The following SLAMF1 variants were observed in gnomAD, a reference collection of about 807,000 sequenced individuals.
The protein encoded by SLAMF1 is signaling lymphocytic activation molecule family member 1.
In SLAMF1, 18 loss-of-function variants were observed where a neutral mutation model predicts 35.1. The observed-to-expected ratio is 0.51, with a 90% CI of 0.35 to 0.76. The LOEUF (loss-of-function observed/expected upper bound fraction) is 0.76. Ranked by LOEUF, SLAMF1 falls within the 30% of genes least tolerant of loss-of-function variation. The pLI, the probability that SLAMF1 is intolerant of heterozygous loss-of-function variation, is 0.01. For synonymous variants in SLAMF1, 168 were observed against 157.2 expected (o/e 1.07, Z -0.51); for missense variants, 392 against 413.0 (o/e 0.95, Z 0.44).
intron 3 of SLAMF1, among the ~76,000 whole-genome samples, chr1:160,629,303 GTCTC>G (rs10653393): frequency 3.3e-5 from 5 of 150,290 alleles, no homozygotes; most frequent in Non-Finnish European, 5.9e-5. Flanking sequence ...ACAGAAGCGT[GTCTC>G]TCTCTCTCTC....
chr1:160,632,732 A>T (rs1189005178), intron 3 of SLAMF1, among the ~76,000 whole-genome samples: 3 of 152,210 alleles, frequency 2.0e-5, no homozygotes, highest in Non-Finnish European at 4.4e-5. Flanking sequence ...GGTAAGGGCT[A>T]CTGCTTCCTC....
At chr1:160,623,984 G>C in intron 4 of SLAMF1, 112 bp downstream of exon 4, 2 of 704,922 alleles carry the variant, frequency 2.8e-6, no homozygotes, top group South Asian at 1.8e-5. Context: ...TTTTGCAAAG[G>C]TGGCCCCATG....
intron 4 of SLAMF1, among the ~76,000 whole-genome samples, chr1:160,620,945 G>A (rs1659577209): frequency 6.6e-6 from 1 of 152,162 alleles, no homozygotes; most frequent in Non-Finnish European, 1.5e-5. Context: ...TGCAGTTTTG[G>A]ATATTTGCTA....
At chr1:160,637,757 T>C (rs189571415) in intron 1 of SLAMF1, among the ~76,000 whole-genome samples, 156 of 152,352 alleles carry the variant, frequency 1.0e-3, no homozygotes, top group African/African-American at 3.7e-3. Flanking sequence ...TAGAGTTGTA[T>C]AGATTAACTA....
Position 160,642,456 on chromosome 1 carries a change from C to T in SLAMF1, c.76+4414G>A, listed in dbSNP as rs148865729. ...ACGCACTCCTTCATATCATTCATCA[C>T]GTGTTCAACTCTGGTTCAATGCCTG... On this transcript the variant is annotated intron_variant, in intron 1 of 6. Transcript: ENST00000302035. This position sits in a 1 kb window ranked among gnomAD's most constrained non-coding sequence, Gnocchi z 4.2. Among the ~76,000 whole-genome samples, 29 of 152,302 alleles carry T rather than the reference C, an allele frequency of 1.9e-4. No homozygotes were observed. The highest frequency in any genetic ancestry group is 1.7e-3 in the South Asian group (8 of 4,822).
intron 5 of SLAMF1, among the ~76,000 whole-genome samples, chr1:160,617,932 G>A (rs1326242577): frequency 6.6e-6 from 1 of 152,164 alleles, no homozygotes; most frequent in African/African-American, 2.4e-5. Context: ...AATTAGCTGG[G>A]TGTGGTGGCA....
At chr1:160,616,836 G>C (rs1381957040) in intron 5 of SLAMF1, among the ~76,000 whole-genome samples, 9 of 152,174 alleles carry the variant, frequency 5.9e-5, no homozygotes, top group Non-Finnish European at 1.2e-4. Flanking sequence ...AAATTAGACT[G>C]TTAATACCAA....
Position 160,624,188 on chromosome 1 carries a change from G to GA in SLAMF1, c.701-4_701-3insT. 6.3e-7 allele frequency: 1 copy of GA among 1,594,700 alleles called. No individual in the cohort carries two copies. The highest frequency in any genetic ancestry group is 1.1e-5 in the South Asian group (1 of 87,478). ...ATACACTGCCCATGGTTTTGTTTCT[G>GA]GAAAAAAAAAGAAGTCAAAGAGCAA... On this transcript the variant is annotated splice_polypyrimidine_tract_variant and splice_region_variant and intron_variant, in intron 3 of 6. Transcript: ENST00000302035.
Position 160,630,113 on chromosome 1 carries a change from C to G in SLAMF1, c.700+4500G>C, listed in dbSNP as rs540034164. On this transcript the variant is annotated intron_variant, in intron 3 of 6. Coordinates refer to ENST00000302035, the MANE Select transcript of SLAMF1 (RefSeq NM_003037.5). Reference sequence around the variant, plus strand: ...TTCCAGGGGCATTCCTTTCTAGATTCCTTCATTCTAGCACAGCCATATCTA... The same window carrying G: ...TTCCAGGGGCATTCCTTTCTAGATTGCTTCATTCTAGCACAGCCATATCTA... 7.2e-5 allele frequency among the ~76,000 whole-genome samples: 11 copies of G among 152,328 alleles called. No homozygotes were observed. In the South Asian group the frequency reaches 2.3e-3, roughly 32 times the overall value.
intron 2 of SLAMF1, among the ~76,000 whole-genome samples, chr1:160,635,550 C>T (rs1660403403): frequency 6.6e-6 from 1 of 151,448 alleles, no homozygotes; most frequent in African/African-American, 2.4e-5. Flanking sequence ...AAGCACAGTG[C>T]TGGTGTTTCA....
At chr1:160,615,798 A>G in intron 5 of SLAMF1, 1 of 280,338 alleles carries the variant, frequency 3.6e-6, no homozygotes. Context: ...AAGAAGACAC[A>G]GAGAGGGAGG....
chr1:160,625,899 TTA>T (rs1659859309), intron 3 of SLAMF1, among the ~76,000 whole-genome samples: 1 of 152,016 alleles, frequency 6.6e-6, no homozygotes, highest in Non-Finnish European at 1.5e-5. Flanking sequence ...CATTCAAGGT[TTA>T]TGATATCGAC....
intron 1 of SLAMF1, among the ~76,000 whole-genome samples, chr1:160,638,032 G>A (rs1660546075): frequency 6.6e-6 from 1 of 152,120 alleles, no homozygotes; most frequent in African/African-American, 2.4e-5. Context: ...GTCAGGAAGT[G>A]ATAAGCCCAG....
intron 1 of SLAMF1, among the ~76,000 whole-genome samples, chr1:160,641,725 T>C (rs1446409663): frequency 1.3e-5 from 2 of 151,886 alleles, no homozygotes; most frequent in Non-Finnish European, 2.9e-5. Context: ...GGTGGAAAAA[T>C]AAGTGGGGGC....
chr1:160,639,249 G>A (rs1356584843), intron 1 of SLAMF1, among the ~76,000 whole-genome samples: 1 of 151,770 alleles, frequency 6.6e-6, no homozygotes, highest in East Asian at 1.9e-4. Flanking sequence ...TCTGTGAGAT[G>A]GAGTCTTGTG....
intron 3 of SLAMF1, among the ~76,000 whole-genome samples, chr1:160,632,657 A>G (rs573798910): frequency 6.6e-6 from 1 of 152,288 alleles, no homozygotes; most frequent in South Asian, 2.1e-4. Flanking sequence ...AGGCCAGGGT[A>G]AAATATTCAG....
intron 3 of SLAMF1, among the ~76,000 whole-genome samples, chr1:160,628,874 C>G (rs1301183035): frequency 6.6e-6 from 1 of 152,216 alleles, no homozygotes; most frequent in Non-Finnish European, 1.5e-5. Context: ...TCTGTGCCAT[C>G]GGCGCTTCAC....
intron 3 of SLAMF1, among the ~76,000 whole-genome samples, chr1:160,631,076 C>T (rs1031690085): frequency 7.2e-5 from 11 of 152,134 alleles, no homozygotes; most frequent in Non-Finnish European, 7.4e-5. Flanking sequence ...AGGCAAGGAT[C>T]ATGTCTTTTT....
chr1:160,621,714 G>A (rs892366839), intron 4 of SLAMF1, among the ~76,000 whole-genome samples: 1 of 152,044 alleles, frequency 6.6e-6, no homozygotes, highest in African/African-American at 2.4e-5. Flanking sequence ...GAAATGTGGG[G>A]CAGACACTGA....
Sources: gnomAD v4.1 joint callset for allele counts (sites outside exome capture counted in the v4.1 genomes callset) on GRCh38, gnomAD v4.1.1 for gene constraint, Gnocchi (gnomAD v3.1) non-coding constraint, MANE v1.5 for transcripts, NCBI Gene and HGNC (gene_info 2026-07-23, HGNC 2026-07-21) for gene names.